The following TIA1 variants were observed in gnomAD, a reference collection of about 807,000 sequenced individuals.
The protein encoded by TIA1 is cytotoxic granule associated RNA binding protein TIA1.
In TIA1, 23 loss-of-function variants were observed where a neutral mutation model predicts 65.9. The ratio of observed to expected loss-of-function variants is 0.35; its 90% CI spans 0.25 to 0.49. The LOEUF is 0.49. TIA1 is among the 20% of genes least tolerant of loss of function. The pLI is 0.98. For missense variants in TIA1, 371 were observed against 477.9 expected (o/e 0.78, Z 2.09); for synonymous variants, 147 against 149.4 (o/e 0.98, Z 0.12).
chr2:70,235,408 T>C (rs938334779), intron 2 of TIA1, among the ~76,000 whole-genome samples: 9 of 151,824 alleles, frequency 5.9e-5, no homozygotes, highest in African/African-American at 2.2e-4. Context: ...AGAGCAAAAC[T>C]CCGTCTCAAA....
upstream of TIA1, chr2:70,248,685 A>G: frequency 1.8e-6 from 1 of 568,154 alleles, no homozygotes; most frequent in Non-Finnish European, 3.1e-6. Context: ...GGCGCAGAAT[A>G]ATCTTGCACT....
chr2:70,209,534 C>A lies in TIA1; in HGVS notation c.*3185G>T, dbSNP rs1675946564. The stretch of plus-strand genomic sequence containing the variant: ...ACATTCAAATTCTAAACACAACAGT[C>A]AAAATGCAGTGACTGTAATGAAATG... On this transcript the variant is annotated 3_prime_UTR_variant, in exon 13 of 13. Coordinates refer to ENST00000433529, the MANE Select transcript of TIA1 (RefSeq NM_022173.4). 5.0e-6 allele frequency: 2 copies of A among 398,102 alleles called. No homozygotes were observed. Among genetic ancestry groups the A allele is most frequent in the South Asian group, 1.3e-4 (1 of 7,766 alleles). The allele number at this position is 398,102 out of a possible 1,614,324, so 24.7% of individuals were successfully genotyped here.
intron 1 of TIA1, among the ~76,000 whole-genome samples, chr2:70,238,077 C>T (rs1170886033): frequency 6.6e-6 from 1 of 151,048 alleles, no homozygotes; most frequent in Non-Finnish European, 1.5e-5. Flanking sequence ...AGGAGAACGG[C>T]GTGAACCTGG....
chr2:70,218,054 G>A (rs576430420), intron 7 of TIA1, among the ~76,000 whole-genome samples: 18 of 152,270 alleles, frequency 1.2e-4, no homozygotes, highest in African/African-American at 4.3e-4. Flanking sequence ...AAGCATACAT[G>A]GTCTCTTACA....
At chr2:70,220,528 C>G (rs1680808254) in intron 7 of TIA1, among the ~76,000 whole-genome samples, 1 of 152,088 alleles carries the variant, frequency 6.6e-6, no homozygotes, top group Non-Finnish European at 1.5e-5. Context: ...TACCAGCAAC[C>G]ACCAGAAGCT....
Position 70,248,523 on chromosome 2 carries a change from G to A in TIA1, c.-93C>T. ...AAGCGGTTATGGCTACAGGATAGTG[G>A]GGTTTCTCGGCTGACCAGAGGTTAC... On this transcript the variant is annotated 5_prime_UTR_variant, in exon 1 of 13. Transcript: ENST00000433529. 1.3e-6 allele frequency: 2 copies of A among 1,580,288 alleles called. No individual in the cohort carries two copies. Among genetic ancestry groups the A allele is most frequent in the Non-Finnish European group, 8.6e-7 (1 of 1,165,254 alleles).
intron 2 of TIA1, 44 bp downstream of exon 2, chr2:70,236,035 G>GC (rs777631926): frequency 1.7e-6 from 2 of 1,157,022 alleles, no homozygotes; most frequent in African/African-American, 3.3e-5. Flanking sequence ...TAAGTAATGT[G>GC]TAAAAAAAAA....
chr2:70,222,343 A>G (rs1283817954), intron 7 of TIA1, among the ~76,000 whole-genome samples: 1 of 152,172 alleles, frequency 6.6e-6, no homozygotes, highest in African/African-American at 2.4e-5. Flanking sequence ...GTTTGCCAAG[A>G]CAGTACTCTG....
At chr2:70,217,676 C>T (rs1003267262) in intron 7 of TIA1, among the ~76,000 whole-genome samples, 3 of 152,154 alleles carry the variant, frequency 2.0e-5, no homozygotes, top group African/African-American at 4.8e-5. Flanking sequence ...GGATTACAGG[C>T]GTGAGCCACT....
intron 1 of TIA1, among the ~76,000 whole-genome samples, chr2:70,238,691 AGTTG>A (rs1394767233): frequency 1.3e-5 from 2 of 151,992 alleles, no homozygotes; most frequent in African/African-American, 2.4e-5. Flanking sequence ...ACAGATTATG[AGTTG>A]GTTATCAATA....
At chr2:70,229,471 T>C (rs750656609) in intron 3 of TIA1, among the ~76,000 whole-genome samples, 153 bp from the exon 4 acceptor site, 10 of 152,226 alleles carry the variant, frequency 6.6e-5, no homozygotes, top group Non-Finnish European at 1.5e-5. Context: ...TCTTCTGACC[T>C]ACATTTAGGC....
At chr2:70,248,025 A>C (rs1187388603) in intron 1 of TIA1, among the ~76,000 whole-genome samples, 1 of 152,040 alleles carries the variant, frequency 6.6e-6, no homozygotes, top group Non-Finnish European at 1.5e-5. Flanking sequence ...AGATAAGAAG[A>C]GGTTAATCAA....
intron 1 of TIA1, among the ~76,000 whole-genome samples, chr2:70,239,910 G>C (rs1690919183): frequency 6.6e-6 from 1 of 152,094 alleles, no homozygotes; most frequent in Non-Finnish European, 1.5e-5. Flanking sequence ...TAATCTAATA[G>C]CTCTAGTTTA....
Position 70,214,434 on chromosome 2 carries a change from G to C in TIA1, c.949C>G (p.Gln317Glu). 1 of 1,613,952 alleles carries C rather than the reference G, an allele frequency of 6.2e-7. No homozygotes were observed. Among genetic ancestry groups the C allele is most frequent in the East Asian group, 2.2e-5 (1 of 44,870 alleles). The change falls in exon 12 of 13, where the codon CAA becomes GAA. Residue 317 changes from glutamine to glutamate, a missense_variant. Gln to Glu is a conservative substitution (Grantham distance 29, BLOSUM62 2). Transcript: ENST00000433529. ...TTAGGCATATACTGGCCAATTTGTT[G>C]TGCATTTCCATACCACTGGCCCCAC... ...GQWGQWYGNA[Q>E]QIGQYMPNGW...
At chr2:70,235,570 GTA>G (rs1553451634) in intron 2 of TIA1, among the ~76,000 whole-genome samples, 2 of 151,446 alleles carry the variant, frequency 1.3e-5, no homozygotes, top group Admixed American at 6.6e-5. Context: ...GTGTGTGTGT[GTA>G]TGTGTGTGTG....
chr2:70,236,236 T>C (rs1688880044), intron 1 of TIA1, 61 bp from the exon 2 acceptor site: 6 of 1,133,880 alleles, frequency 5.3e-6, no homozygotes, highest in African/African-American at 3.1e-5. Flanking sequence ...TTCACTCTTG[T>C]TGCCCAGGAT....
chr2:70,231,979 G>T (rs1686524422), intron 2 of TIA1, among the ~76,000 whole-genome samples: 1 of 151,748 alleles, frequency 6.6e-6, no homozygotes, highest in Admixed American at 6.6e-5. Context: ...GAGGCAGGCG[G>T]ATCATGAGGT....
chr2:70,239,115 C>T (rs1017968376), intron 1 of TIA1, among the ~76,000 whole-genome samples: 2 of 152,100 alleles, frequency 1.3e-5, no homozygotes, highest in African/African-American at 4.8e-5. Flanking sequence ...TATTTAGAGA[C>T]GGAGTCTTGC....
chr2:70,214,525 T>G (rs1353809161), intron 11 of TIA1, 31 bp from the exon 12 acceptor site: 4 of 1,565,376 alleles, frequency 2.6e-6, no homozygotes, highest in Non-Finnish European at 3.5e-6. Context: ...TTACTTGAAG[T>G]TAACTATATA....
Sources: gnomAD v4.1 joint callset for allele counts (sites outside exome capture counted in the v4.1 genomes callset) on GRCh38, gnomAD v4.1.1 for gene constraint, MANE v1.5 for transcripts, NCBI Gene and HGNC (gene_info 2026-07-23, HGNC 2026-07-21) for gene names.